GOLM1: variants seen among roughly 807,000 people sequenced by gnomAD.
GOLM1 encodes the protein golgi membrane protein 1, also known as epididymis luminal protein 46.
Under a neutral mutation model 50.5 loss-of-function variants are expected in GOLM1, and 31 were observed. The observed-to-expected ratio is 0.61, with a 90% CI of 0.46 to 0.83. The LOEUF (loss-of-function observed/expected upper bound fraction) is 0.83, where lower values mean the gene tolerates loss of function less well. GOLM1 is among the 40% of genes least tolerant of loss of function. The probability of loss-of-function intolerance (pLI) is 0.00; values close to 1 mark genes in which losing one functional copy is unlikely to be tolerated. For synonymous variants in GOLM1, 178 were observed against 192.8 expected (o/e 0.92, Z 0.64); for missense variants, 491 against 501.3 (o/e 0.98, Z 0.20).
At position 86,052,609 on chromosome 9, in the gene GOLM1, T is replaced by G. The variant is rs773445641; in HGVS notation, c.310-18A>C. On this transcript the variant is annotated intron_variant, in intron 3 of 9. Coordinates refer to ENST00000388712, the MANE Select transcript of GOLM1 (RefSeq NM_016548.4). ...AAAACCGCCTGCAACGAAGATAAAC[T>G]CGCATGAAACACCCAAACCAACACC... 30 of 1,611,932 alleles carry G rather than the reference T, an allele frequency of 1.9e-5. No individual in the cohort carries two copies. The South Asian group carries it at 3.2e-4, about 17-fold the overall frequency.
chr9:86,038,525 C>T (rs1833226856), intron 6 of GOLM1, among the ~76,000 whole-genome samples: 1 of 152,160 alleles, frequency 6.6e-6, no homozygotes, highest in African/African-American at 2.4e-5. Context: ...CCATTCCAGC[C>T]ACTTTGTCCC....
intron 5 of GOLM1, among the ~76,000 whole-genome samples, chr9:86,041,249 C>T (rs1235931178): frequency 6.6e-6 from 1 of 152,150 alleles, no homozygotes; most frequent in Non-Finnish European, 1.5e-5. Context: ...CTGGACCATA[C>T]TTGAGTTTAT....
At chr9:86,082,272 C>T (rs181064229) in intron 1 of GOLM1, among the ~76,000 whole-genome samples, 3 of 151,912 alleles carry the variant, frequency 2.0e-5, no homozygotes, top group South Asian at 2.1e-4. Context: ...GTGATCCGCC[C>T]GCCTCGGCCT....
intron 1 of GOLM1, among the ~76,000 whole-genome samples, chr9:86,083,400 C>T (rs1563967023): frequency 6.6e-6 from 1 of 152,174 alleles, no homozygotes. Context: ...GTTTGTTTTT[C>T]TGAGATGGGA....
intron 6 of GOLM1, among the ~76,000 whole-genome samples, chr9:86,037,427 A>G (rs1235003714): frequency 4.2e-4 from 60 of 144,068 alleles, no homozygotes; most frequent in African/African-American, 1.5e-3. Flanking sequence ...CGACAGAGCG[A>G]GACTGTCTCT....
At chr9:86,087,263 T>C (rs966259565) in intron 1 of GOLM1, among the ~76,000 whole-genome samples, 6 of 152,200 alleles carry the variant, frequency 3.9e-5, no homozygotes, top group African/African-American at 1.4e-4. Flanking sequence ...TATTAGTGTA[T>C]AGGAATGCTT....
chr9:86,040,698 G>A (rs1465018368), intron 6 of GOLM1, 41 bp downstream of exon 6: 10 of 1,587,946 alleles, frequency 6.3e-6, no homozygotes, highest in South Asian at 1.1e-5. Flanking sequence ...CTGAAGATAG[G>A]GGTACCTTCT....
chr9:86,053,081 G>A (rs796571765), intron 3 of GOLM1, among the ~76,000 whole-genome samples: 1 of 14,930 alleles, frequency 6.7e-5, no homozygotes, highest in African/African-American at 2.8e-4. Flanking sequence ...CACTCTACAC[G>A]ACACTACACC....
chr9:86,062,111 C>T (rs1013475803), intron 3 of GOLM1, among the ~76,000 whole-genome samples: 1 of 152,170 alleles, frequency 6.6e-6, no homozygotes, highest in African/African-American at 2.4e-5. Flanking sequence ...CCAACACATC[C>T]CTGTGTTGTC....
chr9:86,037,449 A>G (rs1833183681), intron 6 of GOLM1, among the ~76,000 whole-genome samples: 1 of 152,002 alleles, frequency 6.6e-6, no homozygotes, highest in Non-Finnish European at 1.5e-5. Flanking sequence ...AAAAAAAAAA[A>G]AAAAAAAAAG....
At position 86,088,420 on chromosome 9, in the gene GOLM1, G is replaced by GTGTGCATATA. The variant is rs1157260470; in HGVS notation, c.-21-9080_-21-9079insTATATGCACA. On this transcript the variant is annotated intron_variant, in intron 1 of 9. Transcript: ENST00000388712. ...TGGATTCGTTGTTTTTTTGAAGGGT[G>GTGTGCATATA]TATATATATATATATATATATATAT... Among the ~76,000 whole-genome samples the GTGTGCATATA allele has an allele frequency of 7.1e-4, 61 of 86,296 alleles. 2 individuals are homozygous for GTGTGCATATA. The highest frequency in any genetic ancestry group is 3.1e-3 in the African/African-American group (54 of 17,414). The allele number at this position is 86,296 out of a possible 152,430, so 56.6% of individuals were successfully genotyped here.
chr9:86,061,962 T>G (rs1834172059), intron 3 of GOLM1, among the ~76,000 whole-genome samples: 1 of 152,200 alleles, frequency 6.6e-6, no homozygotes, highest in Admixed American at 6.5e-5. Context: ...TGGGACAGTG[T>G]GCACAAGTCA....
chr9:86,074,495 C>G (rs1310804648), intron 3 of GOLM1, among the ~76,000 whole-genome samples: 1 of 152,158 alleles, frequency 6.6e-6, no homozygotes, highest in East Asian at 1.9e-4. Flanking sequence ...TTCCTCTATC[C>G]CCCTTCCCCT....
intron 3 of GOLM1, among the ~76,000 whole-genome samples, chr9:86,060,295 AG>A (rs1379087617): frequency 6.6e-6 from 1 of 152,068 alleles, no homozygotes; most frequent in Non-Finnish European, 1.5e-5. Context: ...GAGACAGAGA[AG>A]GGGAGGGAGA....
At chr9:86,078,180 CCT>C (rs968838155) in intron 2 of GOLM1, among the ~76,000 whole-genome samples, 15 of 152,220 alleles carry the variant, frequency 9.9e-5, no homozygotes, top group African/African-American at 3.6e-4. Context: ...AGTCTGACCC[CCT>C]GTGAAATGAG....
intron 2 of GOLM1, among the ~76,000 whole-genome samples, chr9:86,078,312 A>T (rs1834678784): frequency 6.6e-6 from 1 of 152,194 alleles, no homozygotes; most frequent in African/African-American, 2.4e-5. Context: ...ATTCAAAACG[A>T]TTGCAATAGG....
chr9:86,067,997 A>T (rs1405678412), intron 3 of GOLM1, among the ~76,000 whole-genome samples: 1 of 152,042 alleles, frequency 6.6e-6, no homozygotes, highest in Non-Finnish European at 1.5e-5. Context: ...ACAGAGTGAG[A>T]CTCCGTCTCA....
At chr9:86,060,940 A>ACAG (rs1266080925) in intron 3 of GOLM1, among the ~76,000 whole-genome samples, 3 of 149,630 alleles carry the variant, frequency 2.0e-5, no homozygotes, top group Non-Finnish European at 3.0e-5. Context: ...GTTACACAAC[A>ACAG]CAGAAATGTT....
chr9:86,051,734 A>AC (rs367586565), intron 4 of GOLM1, among the ~76,000 whole-genome samples: 31 of 150,658 alleles, frequency 2.1e-4, no homozygotes, highest in African/African-American at 4.4e-4. Context: ...TTTATGTGAG[A>AC]CCCCCCAACT....
Sources: allele counts gnomAD v4.1 joint callset (sites outside exome capture counted in the v4.1 genomes callset), GRCh38; gene constraint gnomAD v4.1.1; transcripts MANE v1.5; gene names NCBI Gene and HGNC (gene_info 2026-07-23, HGNC 2026-07-21).